Variants in ROPN1B observed in about 807,000 individuals in gnomAD.
ROPN1B encodes the protein ropporin-1B.
ROPN1B carries 13 observed loss-of-function variants against 23.7 expected under a neutral mutation model. The observed-to-expected ratio is 0.55, with a 90% CI of 0.36 to 0.87. ROPN1B has a LOEUF of 0.87. Among genes scored for constraint, ROPN1B ranks in the 40% least tolerant of loss-of-function variants. ROPN1B has a pLI of 0.01. For synonymous variants in ROPN1B, 67 were observed against 100.4 expected (o/e 0.67, Z 1.99); for missense variants, 183 against 249.2 (o/e 0.73, Z 1.79).
At chr3:125,976,742 T>C (rs2292076) in intron 4 of ROPN1B, 29,889 of 645,542 alleles carry the variant, frequency 0.046, no homozygotes, top group East Asian at 0.31. Context: ...CACCAGAAAT[T>C]AAAATGTAAT....
intron 1 of ROPN1B, 96 bp from the exon 2 acceptor site, chr3:125,971,021 T>G (rs997605832): frequency 6.5e-6 from 1 of 153,698 alleles, no homozygotes; most frequent in African/African-American, 2.4e-5. Context: ...GTGTAGTCCC[T>G]GGGCGGGTCT....
chr3:125,981,288 T>C (rs910310604), intron 5 of ROPN1B, among the ~76,000 whole-genome samples: 2 of 152,176 alleles, frequency 1.3e-5, no homozygotes, highest in Non-Finnish European at 2.9e-5. Flanking sequence ...AGGCAATCAT[T>C]CTGTTCTGGG....
chr3:125,983,257 T>C lies in ROPN1B; in HGVS notation c.576T>C (p.Ile192=). 1 of 1,611,144 alleles carries C rather than the reference T, an allele frequency of 6.2e-7. No homozygotes were observed. Among genetic ancestry groups the C allele is most frequent in the South Asian group, 1.1e-5 (1 of 90,950 alleles). ...AGATATACCTTTATCCAAACAGAAT[T>C]GGTCCTGATGGTTTAATCACGGTGA... is the stretch of plus-strand genomic sequence containing the variant. ...RMLNYIEQEV[I]GPDGLITVND... Residue 192 remains isoleucine, a synonymous_variant, in exon 7 of 7, where the codon ATT becomes ATC. Transcript: ENST00000514116.
rs766141327 is a variant in ROPN1B at position 125,972,211 on chromosome 3, C to T, written c.116+41C>T. 3.4e-5 allele frequency: 54 copies of T among 1,604,476 alleles called. No homozygotes were observed. In the Middle Eastern group the frequency reaches 5.0e-4, roughly 15 times the overall value. ...TCGCCTTCATCTCTTGGAGGACGGG[C>T]GGGGAGAGAGGGTCCTGTAAAACCG... On this transcript the variant is annotated intron_variant, in intron 3 of 6. Transcript: ENST00000514116.
At chr3:125,972,668 C>A (rs1211391638) in intron 3 of ROPN1B, 1 of 363,434 alleles carries the variant, frequency 2.8e-6, no homozygotes, top group Non-Finnish European at 5.2e-6. Flanking sequence ...GACACTTCCT[C>A]CCCTGCTGTT....
At chr3:125,977,946 G>A (rs928249948) in intron 5 of ROPN1B, 1 of 152,274 alleles carries the variant, frequency 6.6e-6, no homozygotes, top group Non-Finnish European at 1.5e-5. Context: ...GGTATGAAAA[G>A]GTAGTCTGAA....
At chr3:125,972,008 G>A (rs778664625) in intron 2 of ROPN1B, 35 bp from the exon 3 acceptor site, 8 of 1,596,290 alleles carry the variant, frequency 5.0e-6, no homozygotes, top group Middle Eastern at 1.9e-4. Flanking sequence ...ATGAGTCCAA[G>A]TTTTCATCTT....
In ROPN1B at chr3:125,972,084, C is replaced by G; in HGVS notation, c.30C>G (p.Ile10Met). ...CTCAGACAGATAAGCCAACATGCAT[C>G]CCGCCGGAGCTGCCGAAAATGCTGA... is the stretch of plus-strand genomic sequence containing the variant. MAQTDKPTC[I>M]PPELPKMLKE... Residue 10 changes from isoleucine (I) to methionine (M), a missense_variant, in exon 3 of 7, where the codon ATC becomes ATG. By Grantham distance (10) the Ile-to-Met change is conservative. Around this residue, in one of 3 missense-constraint regions of ROPN1B, gnomAD observed 97 missense variants for 99.6 expected, o/e 0.97. Transcript: ENST00000514116. 1 of 1,614,194 alleles carries G rather than the reference C, an allele frequency of 6.2e-7. No individual in the cohort carries two copies.
chr3:125,976,607 T>C (rs1938423646), intron 4 of ROPN1B, among the ~76,000 whole-genome samples: 1 of 152,214 alleles, frequency 6.6e-6, no homozygotes, highest in Admixed American at 6.5e-5. Flanking sequence ...CTATGTCTTG[T>C]TCTAATTTTA....
chr3:125,976,386 C>T (rs1938413871), intron 4 of ROPN1B, among the ~76,000 whole-genome samples: 1 of 152,186 alleles, frequency 6.6e-6, no homozygotes, highest in Non-Finnish European at 1.5e-5. Context: ...CATTGGTGGC[C>T]AACAACCAGT....
intron 1 of ROPN1B, among the ~76,000 whole-genome samples, chr3:125,969,771 C>T (rs1938126162): frequency 6.6e-6 from 1 of 152,312 alleles, no homozygotes; most frequent in African/African-American, 2.4e-5. Context: ...TCATGTGGAC[C>T]AATGGGCATA....
In ROPN1B at chr3:125,976,157, GA is replaced by G. The variant is rs546578857; in HGVS notation, c.234+478del. Among the ~76,000 whole-genome samples, 30 of 152,330 alleles carry G rather than the reference GA, an allele frequency of 2.0e-4. No individual in the cohort carries two copies. In the East Asian group the frequency reaches 5.8e-3, roughly 29 times the overall value. On this transcript the variant is annotated intron_variant, in intron 4 of 6. Coordinates refer to ENST00000514116, the MANE Select transcript of ROPN1B (RefSeq NM_001308313.2). Reference sequence around the variant, plus strand: ...GGAGCTGCCTGGTGAATGAATGCATGAGGAGGGTCCGGCTTGAGAAAGTTTG... The same window carrying G: ...GGAGCTGCCTGGTGAATGAATGCATGGGAGGGTCCGGCTTGAGAAAGTTTG...
intron 2 of ROPN1B, among the ~76,000 whole-genome samples, chr3:125,971,720 CAT>C (rs1158438743): frequency 6.6e-5 from 10 of 152,226 alleles, no homozygotes; most frequent in East Asian, 3.9e-4. Context: ...GTTTTACAAA[CAT>C]ATATATTTAT....
chr3:125,982,302 G>A lies in ROPN1B; in HGVS notation c.429G>A (p.Glu143=), dbSNP rs1443701179. The A allele has an allele frequency of 6.2e-7, 1 of 1,612,024 alleles. No individual in the cohort carries two copies. Among genetic ancestry groups the A allele is most frequent in the Non-Finnish European group, 8.5e-7 (1 of 1,179,254 alleles). Residue 143 remains glutamate, a synonymous_variant, in exon 6 of 7, where the codon GAG becomes GAA. Coordinates refer to ENST00000514116, the MANE Select transcript of ROPN1B (RefSeq NM_001308313.2). ...CCAAAACTCTCAAGATAGTGTGTGA[G>A]GTCTTATCATGTGACCACAATGGTG... ...TITKTLKIVC[E]VLSCDHNGGL...
At chr3:125,982,158 C>T in intron 5 of ROPN1B, 112 bp from the exon 6 acceptor site, 2 of 844,336 alleles carry the variant, frequency 2.4e-6, no homozygotes, top group Non-Finnish European at 3.6e-6. Flanking sequence ...TTAAATTGTT[C>T]CCACTTCATT....
At position 125,982,401 on chromosome 3, in the gene ROPN1B, T is replaced by C. The variant is rs1938640093; in HGVS notation, c.528T>C (p.Cys176=). ...TTGCCGAAGTGGATGGGGAGATCTG[T>C]GCATCACATGTCAGCAGGATGCTAA... ...TYIAEVDGEI[C]ASHVSRMLNY... The change falls in exon 6 of 7, where the codon TGT becomes TGC. Residue 176 remains cysteine, a synonymous_variant. Coordinates refer to ENST00000514116, the MANE Select transcript of ROPN1B (RefSeq NM_001308313.2). 6.2e-7 allele frequency: 1 copy of C among 1,611,548 alleles called. No homozygotes were observed. Among genetic ancestry groups the C allele is most frequent in the African/African-American group, 1.3e-5 (1 of 74,768 alleles).
chr3:125,975,050 G>C (rs1938353794), intron 3 of ROPN1B, among the ~76,000 whole-genome samples: 1 of 152,028 alleles, frequency 6.6e-6, no homozygotes, highest in Admixed American at 6.5e-5. Flanking sequence ...CACAATTATA[G>C]TTCGCTGCCT....
At chr3:125,980,694 C>A (rs1374840468) in intron 5 of ROPN1B, among the ~76,000 whole-genome samples, 3 of 152,120 alleles carry the variant, frequency 2.0e-5, no homozygotes, top group Non-Finnish European at 4.4e-5. Flanking sequence ...CATACCACCA[C>A]CCCATGGAGA....
intron 5 of ROPN1B, among the ~76,000 whole-genome samples, chr3:125,979,296 T>G (rs1008797279): frequency 5.9e-5 from 9 of 152,194 alleles, no homozygotes; most frequent in Non-Finnish European, 1.3e-4. Context: ...CTGGACTGTT[T>G]CTGGGATCTT....
Sources: allele counts gnomAD v4.1 joint callset (sites outside exome capture counted in the v4.1 genomes callset), GRCh38; gene constraint gnomAD v4.1.1; regional missense constraint gnomAD v4.1.1; transcripts MANE v1.5; gene names NCBI Gene and HGNC (gene_info 2026-07-23, HGNC 2026-07-21).